The following CES4A variants were observed in gnomAD, a reference collection of about 807,000 sequenced individuals.
The protein encoded by CES4A is carboxylesterase 6.
Under a neutral mutation model 65.4 loss-of-function variants are expected in CES4A, and 48 were observed. The observed-to-expected ratio is 0.73, with a 90% CI of 0.58 to 0.93. The LOEUF (loss-of-function observed/expected upper bound fraction) is 0.93, where lower values mean the gene tolerates loss of function less well. CES4A is among the 40% of genes least tolerant of loss of function. CES4A has a pLI of 0.00. For missense variants in CES4A, 685 were observed against 728.5 expected, an observed-to-expected ratio of 0.94 and a Z score of 0.69; for synonymous variants, 247 against 281.8, an observed-to-expected ratio of 0.88 and a Z score of 1.24.
Position 67,005,259 on chromosome 16 carries a change from T to TA in CES4A, c.1182dup (p.Pro395ThrfsTer13). The TA allele has an allele frequency of 6.2e-7, 1 of 1,614,108 alleles. No homozygotes were observed. The highest frequency in any genetic ancestry group is 8.5e-7 in the Non-Finnish European group (1 of 1,180,016). ...ACTCAGAATATCACCAAGGAGCAGG[T>TA]ACCACTTGTGGTGGAGGAGTACCTG... On this transcript the variant is annotated frameshift_variant, in exon 11 of 14. Coordinates refer to ENST00000648724, the Ensembl canonical transcript of CES4A. LOFTEE classifies it high-confidence loss of function.
intron 13 of CES4A, chr16:67,007,951 AT>A: frequency 6.6e-6 from 1 of 151,880 alleles, no homozygotes; most frequent in African/African-American, 2.4e-5. Context: ...TGCCTGGCTA[AT>A]TTTTTTGTAT....
chr16:66,994,414 T>C (rs1964643066), intron 1 of CES4A, among the ~76,000 whole-genome samples: 1 of 150,198 alleles, frequency 6.7e-6, no homozygotes. Context: ...TTTGTATTTT[T>C]AGTAGAGACG....
At chr16:67,002,855 C>A (rs1965463263) in intron 5 of CES4A, among the ~76,000 whole-genome samples, 1 of 152,108 alleles carries the variant, frequency 6.6e-6, no homozygotes, top group South Asian at 2.1e-4. Flanking sequence ...CTCACATCCC[C>A]TCTGGAACCC....
chr16:67,002,961 C>A, intron 5 of CES4A, 109 bp from the exon 6 acceptor site: 1 of 885,228 alleles, frequency 1.1e-6, no homozygotes, highest in Non-Finnish European at 1.9e-6. Flanking sequence ...AGCTACTTGC[C>A]CTTCCTGGCT....
chr16:67,001,079 AT>A lies in CES4A; in HGVS notation c.536+90del, dbSNP rs1232519422. 8.1e-5 allele frequency: 10 copies of A among 122,922 alleles called. No individual in the cohort carries two copies. Among genetic ancestry groups the A allele is most frequent in the African/African-American group, 3.8e-4 (2 of 5,206 alleles). The allele number at this position is 122,922 out of a possible 1,614,324, so 7.6% of individuals were successfully genotyped here. ...GGGAGGGGCGGGGCCTGGGGCGGGG[AT>A]GGGGGGGGTGGGGCCGCGAGGCGGG... is the stretch of plus-strand genomic sequence containing the variant. On this transcript the variant is annotated intron_variant, in intron 4 of 13. Transcript: ENST00000648724. The surrounding 1 kb of genome is among the most constrained non-coding windows in gnomAD (Gnocchi z 4.1).
Position 67,000,497 on chromosome 16 carries a change from ACACGCACACG to A in CES4A, c.261-132_261-123del. 1 of 1,438,608 alleles carries A rather than the reference ACACGCACACG, an allele frequency of 7.0e-7. No individual in the cohort carries two copies. The highest frequency in any genetic ancestry group is 9.1e-7 in the Non-Finnish European group (1 of 1,097,078). The allele number at this position is 1,438,608 out of a possible 1,614,324, so 89.1% of individuals were successfully genotyped here. ...CCCGGGGCTGGCGGAGGCCTCCTGT[ACACGCACACG>A]CACGCACATGCGCACGCACACGCAC... On this transcript the variant is annotated intron_variant, in intron 2 of 13. Transcript: ENST00000648724. This position sits in a 1 kb window ranked among gnomAD's most constrained non-coding sequence, Gnocchi z 4.2.
downstream of CES4A, among the ~76,000 whole-genome samples, chr16:67,010,065 G>GTTT (rs559214962): frequency 4.4e-5 from 6 of 136,968 alleles, no homozygotes; most frequent in East Asian, 2.1e-4. Context: ...GTTTTGTGGG[G>GTTT]TTTTTTTTTT....
chr16:67,002,095 CTACAGA>C (rs1221056038), intron 5 of CES4A, among the ~76,000 whole-genome samples: 4 of 152,286 alleles, frequency 2.6e-5, no homozygotes, highest in African/African-American at 9.6e-5. Context: ...TGTCTCCATT[CTACAGA>C]TAAAGAAACG....
chr16:66,995,585 TGGGTGACTGAGCAGAGGTGACC>T (rs1181037127), intron 1 of CES4A, 21 bp from the exon 2 acceptor site: 10 of 1,558,914 alleles, frequency 6.4e-6, no homozygotes, highest in Non-Finnish European at 8.8e-6. Flanking sequence ...CATTTGTGGC[TGGGTGACTGAGCAGAGGTGACC>T]CTTTTCCCTT....
chr16:67,004,638 G>A (rs1046937564), intron 9 of CES4A, among the ~76,000 whole-genome samples, 155 bp from the exon 10 acceptor site: 1 of 152,116 alleles, frequency 6.6e-6, no homozygotes, highest in Non-Finnish European at 1.5e-5. Flanking sequence ...GGGAGCAGGG[G>A]GACAAGAGAG....
intron 13 of CES4A, 72 bp downstream of exon 13, chr16:67,006,889 G>A (rs541819124): frequency 3.3e-5 from 47 of 1,432,698 alleles, no homozygotes; most frequent in Admixed American, 3.2e-4. Context: ...CAGCTGCTTC[G>A]GATATTTGCC....
chr16:66,993,342 GTGTT>G (rs1299779889), intron 1 of CES4A, among the ~76,000 whole-genome samples: 4 of 152,062 alleles, frequency 2.6e-5, no homozygotes, highest in East Asian at 3.9e-4. Flanking sequence ...GTTTCTTGGA[GTGTT>G]TGTTTGTCTG....
chr16:66,996,478 G>A (rs893301881), intron 2 of CES4A, among the ~76,000 whole-genome samples: 4 of 152,156 alleles, frequency 2.6e-5, no homozygotes, highest in Non-Finnish European at 4.4e-5. Context: ...GACCCAGTCC[G>A]GAGCTCTTCC....
Position 66,995,627 on chromosome 16 carries a change from G to C in CES4A, c.59-1G>C, listed in dbSNP as rs1353278344. The stretch of plus-strand genomic sequence containing the variant: ...GTGACCCTTTTCCCTTCTCTTCCCA[G>C]GTGCCTTGCACACCAAGAGGCCTCA... On this transcript the variant is annotated splice_acceptor_variant, in intron 1 of 13. Coordinates refer to ENST00000648724, the Ensembl canonical transcript of CES4A. LOFTEE classifies it high-confidence loss of function. 1 of 1,613,902 alleles carries C rather than the reference G, an allele frequency of 6.2e-7. No individual in the cohort carries two copies. The highest frequency in any genetic ancestry group is 1.3e-5 in the African/African-American group (1 of 75,042).
At chr16:66,990,785 TTTTAA>T (rs1354768903) in intron 1 of CES4A, among the ~76,000 whole-genome samples, 2 of 152,146 alleles carry the variant, frequency 1.3e-5, no homozygotes, top group Non-Finnish European at 2.9e-5. Flanking sequence ...TTCTTTTTTT[TTTTAA>T]TTTAAGTTAT....
exon 9 of CES4A, chr16:67,004,150 A>T: frequency 6.2e-7 from 1 of 1,614,164 alleles, no homozygotes; most frequent in Non-Finnish European, 8.5e-7. Context: ...GGTGCTCCTG[A>T]CCCAGGGGAA....
At chr16:66,997,195 T>C (rs1227317406) in intron 2 of CES4A, among the ~76,000 whole-genome samples, 1 of 152,192 alleles carries the variant, frequency 6.6e-6, no homozygotes, top group Non-Finnish European at 1.5e-5. Context: ...TTCTGTGACT[T>C]ATTTAGAATC....
At chr16:66,993,828 G>A (rs564626000) in intron 1 of CES4A, among the ~76,000 whole-genome samples, 6 of 152,198 alleles carry the variant, frequency 3.9e-5, no homozygotes, top group South Asian at 2.1e-4. Flanking sequence ...TAGGCCGGGC[G>A]CGGTGGCTCA....
At chr16:67,002,990 C>T in intron 5 of CES4A, 80 bp from the exon 6 acceptor site, 2 of 1,243,308 alleles carry the variant, frequency 1.6e-6, no homozygotes, top group South Asian at 1.2e-5. Context: ...GCTGCCTGCC[C>T]ATGGCCAGAC....
Sources: gnomAD v4.1 joint callset for allele counts (sites outside exome capture counted in the v4.1 genomes callset) on GRCh38, gnomAD v4.1.1 for gene constraint, Gnocchi (gnomAD v3.1) non-coding constraint, MANE v1.5 for transcripts, NCBI Gene and HGNC (gene_info 2026-07-23, HGNC 2026-07-21) for gene names.